The following CPED1 variants were observed in gnomAD, a reference collection of about 807,000 sequenced individuals.
CPED1 encodes cadherin like and PC-esterase domain containing 1.
A neutral mutation model predicts 128.2 loss-of-function variants in CPED1; 114 were observed. The observed-to-expected ratio is 0.89, with a 90% CI of 0.76 to 1.04. The LOEUF is 1.04. Among genes scored for constraint, CPED1 ranks in the 50% least tolerant of loss-of-function variants. The pLI is 0.00. For missense variants in CPED1, 1,211 were observed against 1,207.1 expected, an observed-to-expected ratio of 1.00 and a Z score of -0.05; for synonymous variants, 462 against 426.7, an observed-to-expected ratio of 1.08 and a Z score of -1.02.
chr7:121,012,031 A>G (rs1311080831), intron 2 of CPED1, among the ~76,000 whole-genome samples: 1 of 152,220 alleles, frequency 6.6e-6, no homozygotes, highest in African/African-American at 2.4e-5. Context: ...TACTTCATTT[A>G]CACATGTGAG....
intron 2 of CPED1, among the ~76,000 whole-genome samples, chr7:121,002,445 C>G (rs1238442955): frequency 1.3e-5 from 2 of 152,170 alleles, no homozygotes; most frequent in Admixed American, 1.3e-4. Context: ...TTACTCCCCT[C>G]TCTGTTATTA....
intron 16 of CPED1, among the ~76,000 whole-genome samples, chr7:121,202,116 A>T (rs1481189823): frequency 6.6e-6 from 1 of 152,188 alleles, no homozygotes; most frequent in East Asian, 1.9e-4. Context: ...ACTCTCAGTA[A>T]GCATCTCCAG....
chr7:121,076,879 T>A (rs1794138807), intron 5 of CPED1, among the ~76,000 whole-genome samples: 1 of 152,062 alleles, frequency 6.6e-6, no homozygotes, highest in Admixed American at 6.6e-5. Flanking sequence ...AGAAAGAACA[T>A]TGATCTAGAT....
chr7:121,097,578 G>A (rs1033866235), intron 5 of CPED1, 121 bp from the exon 6 acceptor site: 108 of 1,080,872 alleles, frequency 1.0e-4, no homozygotes, highest in Non-Finnish European at 1.3e-4. Flanking sequence ...TCAGAATGGG[G>A]AGAAAAATGG....
At chr7:121,204,197 G>C (rs1200995781) in intron 16 of CPED1, among the ~76,000 whole-genome samples, 1 of 152,048 alleles carries the variant, frequency 6.6e-6, no homozygotes, top group Non-Finnish European at 1.5e-5. Flanking sequence ...TTTGATTACG[G>C]GTTAGGTTAA....
chr7:121,168,647 A>G (rs918386101), intron 16 of CPED1, among the ~76,000 whole-genome samples: 1 of 152,198 alleles, frequency 6.6e-6, no homozygotes, highest in African/African-American at 2.4e-5. Context: ...ATTATTGACA[A>G]TAGCCTATTG....
At chr7:121,160,828 T>G (rs1043832747) in intron 16 of CPED1, among the ~76,000 whole-genome samples, 1 of 152,112 alleles carries the variant, frequency 6.6e-6, no homozygotes, top group Non-Finnish European at 1.5e-5. Context: ...AAAAGATACC[T>G]GAGGCTTTTG....
At chr7:121,044,650 CTTTTT>C (rs58884492) in intron 3 of CPED1, among the ~76,000 whole-genome samples, 2 of 106,038 alleles carry the variant, frequency 1.9e-5, no homozygotes, top group Non-Finnish European at 3.7e-5. Flanking sequence ...ACTTTCTGCT[CTTTTT>C]TTTTTTTTTT....
chr7:121,057,626 C>A (rs1489525044), intron 4 of CPED1, among the ~76,000 whole-genome samples: 1 of 152,174 alleles, frequency 6.6e-6, no homozygotes, highest in Non-Finnish European at 1.5e-5. Flanking sequence ...CACAAAAGGC[C>A]TGAGAGGCTT....
chr7:121,123,535 T>A (rs932702597), intron 7 of CPED1, among the ~76,000 whole-genome samples: 1 of 152,214 alleles, frequency 6.6e-6, no homozygotes, highest in African/African-American at 2.4e-5. Context: ...ATTTGTTTTA[T>A]ATTTTTAAAA....
chr7:121,292,907 G>A (rs995584511), intron 22 of CPED1, among the ~76,000 whole-genome samples: 1 of 152,084 alleles, frequency 6.6e-6, no homozygotes, highest in African/African-American at 2.4e-5. Flanking sequence ...ATCCCAGAGG[G>A]GCACCTGCCA....
intron 2 of CPED1, among the ~76,000 whole-genome samples, chr7:121,001,934 A>G (rs373872366): frequency 4.6e-5 from 7 of 152,270 alleles, no homozygotes; most frequent in African/African-American, 1.4e-4. Flanking sequence ...TATCCAAAAG[A>G]ATGATATCAT....
chr7:121,076,897 G>A (rs1794139556), intron 5 of CPED1, among the ~76,000 whole-genome samples: 1 of 151,940 alleles, frequency 6.6e-6, no homozygotes, highest in African/African-American at 2.4e-5. Flanking sequence ...GATTGCAGTG[G>A]ATATTGGTGG....
intron 3 of CPED1, among the ~76,000 whole-genome samples, chr7:121,027,821 T>C (rs1192516163): frequency 1.3e-5 from 2 of 151,546 alleles, no homozygotes; most frequent in Admixed American, 1.3e-4. Context: ...GAAAGTCACA[T>C]GTGAGTCTCA....
At chr7:121,101,523 T>G (rs1158958770) in intron 7 of CPED1, among the ~76,000 whole-genome samples, 1 of 152,204 alleles carries the variant, frequency 6.6e-6, no homozygotes, top group Non-Finnish European at 1.5e-5. Flanking sequence ...CTGGAAGCAT[T>G]TCTGTTTTCT....
intron 22 of CPED1, 46 bp from the exon 23 acceptor site, chr7:121,295,394 G>C (rs1792802344): frequency 1.3e-6 from 2 of 1,563,818 alleles, no homozygotes; most frequent in Admixed American, 1.9e-5. Context: ...GCAGGGATTG[G>C]ATATTCTTGA....
intron 7 of CPED1, among the ~76,000 whole-genome samples, chr7:121,114,350 C>G (rs1442701752): frequency 6.6e-6 from 1 of 152,168 alleles, no homozygotes; most frequent in Non-Finnish European, 1.5e-5. Flanking sequence ...CTGCTGAACC[C>G]AAGAGCTCAA....
rs748131754 is a variant in CPED1, at chr7:121,100,105, G to A, written c.918+11G>A. The A allele has an allele frequency of 3.8e-5, 62 of 1,611,458 alleles. No individual in the cohort carries two copies. The highest frequency in any genetic ancestry group is 1.2e-4 in the Admixed American group (7 of 59,564). On this transcript the variant is annotated intron_variant, in intron 7 of 22. Transcript: ENST00000310396. ...CGCTTCACTGTCAAGGTAAGCTCTC[G>A]GTTGAAGCTATTATTTCACGTAAGT...
chr7:121,279,917 GT>G (rs1792422042), intron 22 of CPED1, among the ~76,000 whole-genome samples: 1 of 152,170 alleles, frequency 6.6e-6, no homozygotes, highest in South Asian at 2.1e-4. Context: ...CAGGCAGAGG[GT>G]CCCTCAGACA....
Sources: allele counts gnomAD v4.1 joint callset (sites outside exome capture counted in the v4.1 genomes callset), GRCh38; gene constraint gnomAD v4.1.1; transcripts MANE v1.5; gene names NCBI Gene and HGNC (gene_info 2026-07-23, HGNC 2026-07-21).